TXLNB: variants seen among roughly 807,000 people sequenced by gnomAD.
TXLNB encodes the protein taxilin beta, also known as beta-taxilin.
TXLNB carries 37 observed loss-of-function variants against 57.4 expected under a neutral mutation model. The ratio of observed to expected loss-of-function variants is 0.64; its 90% CI spans 0.50 to 0.85. The LOEUF (loss-of-function observed/expected upper bound fraction) is 0.85. Ranked by LOEUF, TXLNB falls within the 40% of genes least tolerant of loss-of-function variation. The pLI is 0.00. For synonymous variants in TXLNB, 302 were observed against 309.6 expected (o/e 0.98, Z 0.26); for missense variants, 848 against 825.6 (o/e 1.03, Z -0.33).
Position 139,247,895 on chromosome 6 carries a change from TGAGTA to T in TXLNB, c.1087_1091del (p.Tyr363ArgfsTer4). 1 of 1,605,016 alleles carries T rather than the reference TGAGTA, an allele frequency of 6.2e-7. No individual in the cohort carries two copies. The highest frequency in any genetic ancestry group is 8.5e-7 in the Non-Finnish European group (1 of 1,174,938). On this transcript the variant is annotated frameshift_variant, in exon 8 of 10. Coordinates refer to ENST00000358430, the MANE Select transcript of TXLNB (RefSeq NM_153235.4). LOFTEE classifies it high-confidence loss of function. ...TGCTCTGGAATTCTTCAAACCTTCC[TGAGTA>T]GAGAGTGAGCTGTAAACAGAGGAAA...
chr6:139,299,391 A>G, the TXLNB span, among the ~76,000 whole-genome samples: 1 of 152,232 alleles, frequency 6.6e-6, no homozygotes, highest in Non-Finnish European at 1.5e-5. Context: ...AAGATACCCA[A>G]ACAAACCTTA....
At chr6:139,200,486 G>A in the TXLNB span, among the ~76,000 whole-genome samples, 2 of 152,302 alleles carry the variant, frequency 1.3e-5, no homozygotes, top group African/African-American at 4.8e-5. Flanking sequence ...AGGATATTGA[G>A]CAGGGAAAAA....
chr6:139,248,189 C>T (rs1432790940), intron 7 of TXLNB, among the ~76,000 whole-genome samples: 1 of 151,130 alleles, frequency 6.6e-6, no homozygotes, highest in Non-Finnish European at 1.5e-5. Context: ...AGGAGAATGG[C>T]GTGAACCTGG....
chr6:139,173,702 G>A, the TXLNB span, among the ~76,000 whole-genome samples: 1 of 152,152 alleles, frequency 6.6e-6, no homozygotes, highest in Non-Finnish European at 1.5e-5. Context: ...TATACACTAG[G>A]ATGACATCTT....
chr6:139,305,760 A>G, the TXLNB span, among the ~76,000 whole-genome samples: 126 of 152,308 alleles, frequency 8.3e-4, no homozygotes, highest in Admixed American at 2.3e-3. Context: ...AGAATTATTA[A>G]CATAATAACT....
At chr6:139,304,145 C>T in the TXLNB span, among the ~76,000 whole-genome samples, 1,209 of 152,070 alleles carry the variant, frequency 8.0e-3, 14 homozygotes, top group African/African-American at 0.028. Flanking sequence ...AAATAAATAA[C>T]GGGAAGTATT....
the TXLNB span, among the ~76,000 whole-genome samples, chr6:139,172,340 G>A: frequency 1.3e-5 from 2 of 152,154 alleles, no homozygotes; most frequent in Non-Finnish European, 2.9e-5. Flanking sequence ...CACAGCATGC[G>A]GGGCTGACAT....
At chr6:139,218,828 T>C in the TXLNB span, among the ~76,000 whole-genome samples, 13 of 152,354 alleles carry the variant, frequency 8.5e-5, no homozygotes, top group Admixed American at 7.2e-4. Context: ...GAAGTCATCA[T>C]GGCTTCTGGA....
chr6:139,223,010 A>C, the TXLNB span, among the ~76,000 whole-genome samples: 1 of 152,246 alleles, frequency 6.6e-6, no homozygotes, highest in African/African-American at 2.4e-5. Context: ...ACTGATACAT[A>C]TAGAACACTG....
chr6:139,265,525 G>A (rs1055594909), intron 4 of TXLNB, among the ~76,000 whole-genome samples: 2 of 152,054 alleles, frequency 1.3e-5, no homozygotes, highest in African/African-American at 2.4e-5. Context: ...TTGTGATGGC[G>A]GAAATACCTA....
the TXLNB span, among the ~76,000 whole-genome samples, chr6:139,225,645 T>A: frequency 1.6e-3 from 249 of 152,210 alleles, 1 homozygote; most frequent in African/African-American, 5.8e-3. Flanking sequence ...CAAGAAAATA[T>A]ACAATGTTAC....
chr6:139,198,957 C>T, the TXLNB span, among the ~76,000 whole-genome samples: 1 of 150,424 alleles, frequency 6.6e-6, no homozygotes, highest in African/African-American at 2.5e-5. Flanking sequence ...AATATGCCAT[C>T]TGTTTCTTTC....
intron 8 of TXLNB, among the ~76,000 whole-genome samples, chr6:139,245,219 G>C (rs1776041380): frequency 2.0e-5 from 3 of 152,178 alleles, no homozygotes; most frequent in Admixed American, 2.0e-4. Context: ...CCTTGAAACA[G>C]TCCCACAAGG....
At chr6:139,177,461 A>G in the TXLNB span, 643 of 165,024 alleles carry the variant, frequency 3.9e-3, 3 homozygotes, top group African/African-American at 0.014. This position sits in a 1 kb window ranked among gnomAD's most constrained non-coding sequence, Gnocchi z 4.9. Flanking sequence ...CTCTTACTAA[A>G]ATGTTAACTT....
chr6:139,222,330 C>A, the TXLNB span, among the ~76,000 whole-genome samples: 3 of 152,136 alleles, frequency 2.0e-5, no homozygotes, highest in Admixed American at 1.3e-4. Flanking sequence ...ATGTTTATAT[C>A]ATGTTTATAT....
At chr6:139,227,721 C>T in the TXLNB span, among the ~76,000 whole-genome samples, 6 of 152,128 alleles carry the variant, frequency 3.9e-5, no homozygotes, top group African/African-American at 1.4e-4. Context: ...TGAACTACTC[C>T]TACAAGCCAA....
At chr6:139,230,250 A>G in the TXLNB span, among the ~76,000 whole-genome samples, 1 of 152,184 alleles carries the variant, frequency 6.6e-6, no homozygotes, top group Non-Finnish European at 1.5e-5. Flanking sequence ...TGGGGAGATG[A>G]ATTGTATCAC....
intron 7 of TXLNB, 117 bp downstream of exon 7, chr6:139,255,447 T>TCCCATCCC: frequency 1.3e-6 from 1 of 773,960 alleles, no homozygotes; most frequent in Non-Finnish European, 2.3e-6. Flanking sequence ...CATTTCCAAT[T>TCCCATCCC]CCCATCCCCC....
the TXLNB span, among the ~76,000 whole-genome samples, chr6:139,196,661 CA>C: frequency 6.6e-6 from 1 of 152,032 alleles, no homozygotes; most frequent in Non-Finnish European, 1.5e-5. Flanking sequence ...AGGCATGAGC[CA>C]CTACACCCGG....
Sources: gnomAD v4.1 joint callset for allele counts (sites outside exome capture counted in the v4.1 genomes callset) on GRCh38, gnomAD v4.1.1 for gene constraint, Gnocchi (gnomAD v3.1) non-coding constraint, MANE v1.5 for transcripts, NCBI Gene and HGNC (gene_info 2026-07-23, HGNC 2026-07-21) for gene names.